Variants in SECISBP2L observed in about 807,000 individuals in gnomAD.
SECISBP2L encodes the protein SECIS binding protein 2 like.
In SECISBP2L, 43 loss-of-function variants were observed where a neutral mutation model predicts 114.7. The ratio of observed to expected loss-of-function variants is 0.38; its 90% CI spans 0.29 to 0.48. The LOEUF is 0.48. Ranked by LOEUF, SECISBP2L falls within the 20% of genes least tolerant of loss-of-function variation. The probability of loss-of-function intolerance (pLI) is 0.98; values close to 1 mark genes in which losing one functional copy is unlikely to be tolerated. For synonymous variants in SECISBP2L, 451 were observed against 439.7 expected (o/e 1.03, Z -0.32); for missense variants, 1,136 against 1,301.1 (o/e 0.87, Z 1.95).
chr15:49,039,722 G>C (rs1903085397), intron 1 of SECISBP2L, among the ~76,000 whole-genome samples: 1 of 150,520 alleles, frequency 6.6e-6, no homozygotes, highest in Non-Finnish European at 1.5e-5. Context: ...TAGAGATGGG[G>C]TTTTGCCACG....
rs1031224167 is a variant in SECISBP2L at position 49,012,588 on chromosome 15, A to T, written c.1731+60T>A. 2.4e-5 allele frequency: 37 copies of T among 1,565,240 alleles called. 1 individual carries two copies. In the Middle Eastern group the frequency reaches 1.8e-3, roughly 77 times the overall value. On this transcript the variant is annotated intron_variant, in intron 12 of 17. Coordinates refer to ENST00000559471, the MANE Select transcript of SECISBP2L (RefSeq NM_001193489.2). ...TAAGACACCACAACCTACTTTTACAAAACAGATTAAAATCCTTATTCATCC... is the reference window on the plus strand; with the variant it reads ...TAAGACACCACAACCTACTTTTACATAACAGATTAAAATCCTTATTCATCC...
At chr15:49,002,756 T>C (rs1256961729) in intron 14 of SECISBP2L, among the ~76,000 whole-genome samples, 2 of 152,218 alleles carry the variant, frequency 1.3e-5, no homozygotes, top group African/African-American at 4.8e-5. Flanking sequence ...AAAGATCAGA[T>C]GGTTGTAGAT....
At chr15:49,006,180 AT>A (rs1348972874) in intron 14 of SECISBP2L, among the ~76,000 whole-genome samples, 5 of 151,926 alleles carry the variant, frequency 3.3e-5, no homozygotes, top group African/African-American at 1.2e-4. Flanking sequence ...TGCCTTTAAC[AT>A]TTTTTCCTTC....
intron 4 of SECISBP2L, among the ~76,000 whole-genome samples, chr15:49,030,153 G>T (rs904877751): frequency 7.9e-5 from 12 of 151,686 alleles, no homozygotes; most frequent in Non-Finnish European, 1.8e-4. Flanking sequence ...ATACAATTTT[G>T]AGTTGTGCTC....
chr15:49,022,883 A>G (rs1406517111), intron 7 of SECISBP2L, among the ~76,000 whole-genome samples: 1 of 152,226 alleles, frequency 6.6e-6, no homozygotes, highest in Non-Finnish European at 1.5e-5. Context: ...TCATATACCA[A>G]GAAAAACTCC....
chr15:49,010,837 T>A (rs1017330978), intron 13 of SECISBP2L, among the ~76,000 whole-genome samples: 1 of 152,190 alleles, frequency 6.6e-6, no homozygotes, highest in Admixed American at 6.5e-5. Flanking sequence ...ACCTTCCTAC[T>A]GGGCTGTAAG....
At chr15:49,019,353 A>T in intron 8 of SECISBP2L, 65 bp downstream of exon 8, 1 of 1,251,860 alleles carries the variant, frequency 8.0e-7, no homozygotes, top group South Asian at 2.6e-5. Context: ...TCACAATGTA[A>T]CAAATTAATT....
At chr15:49,030,273 T>G (rs1292220923) in intron 4 of SECISBP2L, among the ~76,000 whole-genome samples, 1 of 152,196 alleles carries the variant, frequency 6.6e-6, no homozygotes, top group African/African-American at 2.4e-5. Context: ...GCAGGACTTG[T>G]TACCTGCTAC....
chr15:49,014,898 A>C (rs1902507427), intron 11 of SECISBP2L, among the ~76,000 whole-genome samples: 1 of 150,314 alleles, frequency 6.7e-6, no homozygotes, highest in Non-Finnish European at 1.5e-5. Flanking sequence ...CATTATATAT[A>C]CTGTATATAT....
intron 8 of SECISBP2L, among the ~76,000 whole-genome samples, chr15:49,018,574 T>C (rs1431566102): frequency 6.6e-6 from 1 of 152,170 alleles, no homozygotes; most frequent in East Asian, 1.9e-4. Flanking sequence ...CAGCATATTA[T>C]TGATTTCTAT....
chr15:49,033,500 A>G (rs1162006496), intron 3 of SECISBP2L, among the ~76,000 whole-genome samples: 3 of 152,182 alleles, frequency 2.0e-5, no homozygotes, highest in Admixed American at 6.5e-5. Context: ...AAGCAATGAC[A>G]TGAAAAATGG....
In SECISBP2L at chr15:49,011,936, A is replaced by G. The variant is rs1047467202; in HGVS notation, c.1732-73T>C. 4 of 1,522,716 alleles carry G rather than the reference A, an allele frequency of 2.6e-6. No homozygotes were observed. The African/African-American group carries it at 4.1e-5, about 16-fold the overall frequency. The allele number at this position is 1,522,716 out of a possible 1,614,324, so 94.3% of individuals were successfully genotyped here. A position where few individuals can be genotyped will look rare whatever the true frequency, so the allele number is the denominator to read the frequency against. ...TGTACAAATGATGACAATATACATT[A>G]TAACACAGGTATGGTAGTTCACTTA... On this transcript the variant is annotated intron_variant, in intron 12 of 17. Transcript: ENST00000559471.
Position 48,999,891 on chromosome 15 carries a change from C to A in SECISBP2L, c.2345G>T (p.Cys782Phe). The A allele has an allele frequency of 6.2e-7, 1 of 1,614,078 alleles. No individual in the cohort carries two copies. The highest frequency in any genetic ancestry group is 8.5e-7 in the Non-Finnish European group (1 of 1,179,978). The stretch of plus-strand genomic sequence containing the variant: ...GCTAACAGGAACCAGCTTGTTCACA[C>A]AGCGTCCTAGAGCTTTCCTTCCAAG... ...FALGRKALGRCVNKLVPVSVV... is the reference protein window; with the variant it reads ...FALGRKALGRFVNKLVPVSVV... Residue 782 changes from cysteine (C) to phenylalanine (F), a missense_variant, in exon 16 of 18, where the codon TGT (cysteine) becomes TTT (phenylalanine). Cys to Phe is a radical substitution (Grantham distance 205, BLOSUM62 -2). This residue lies in a region of SECISBP2L where 684 missense variants were observed against 848.7 expected (regional missense o/e 0.81). Coordinates refer to ENST00000559471, the MANE Select transcript of SECISBP2L (RefSeq NM_001193489.2).
chr15:49,029,005 C>T (rs993429617), intron 4 of SECISBP2L, among the ~76,000 whole-genome samples: 3 of 151,978 alleles, frequency 2.0e-5, no homozygotes, highest in Admixed American at 1.3e-4. Context: ...ACTACAGGCA[C>T]GCACCACCAC....
chr15:49,025,421 G>A (rs536032495), intron 7 of SECISBP2L, among the ~76,000 whole-genome samples: 1 of 152,086 alleles, frequency 6.6e-6, no homozygotes, highest in Non-Finnish European at 1.5e-5. Context: ...ATTCACTTGT[G>A]TTTCACATAC....
At position 49,032,981 on chromosome 15, in the gene SECISBP2L, A is replaced by G. The variant is rs772995181; in HGVS notation, c.648T>C (p.Asp216=). ...TTGCCTTACCAGTTTGCTGTGAAGCATCTACCAGAAGCACAATTTTTGATC... is the reference window on the plus strand; with the variant it reads ...TTGCCTTACCAGTTTGCTGTGAAGCGTCTACCAGAAGCACAATTTTTGATC... The part of the protein sequence containing the change: ...DSRSKIVLLV[D]ASQQTDFPSD... Residue 216 remains aspartate, a synonymous_variant, in exon 4 of 18, where the codon GAT becomes GAC. Coordinates refer to ENST00000559471, the MANE Select transcript of SECISBP2L (RefSeq NM_001193489.2). 5 of 1,613,894 alleles carry G rather than the reference A, an allele frequency of 3.1e-6. No individual in the cohort carries two copies. Among genetic ancestry groups the G allele is most frequent in the Non-Finnish European group, 4.2e-6 (5 of 1,179,962 alleles).
intron 1 of SECISBP2L, among the ~76,000 whole-genome samples, chr15:49,040,168 G>A (rs1903094169): frequency 6.6e-6 from 1 of 152,098 alleles, no homozygotes; most frequent in Non-Finnish European, 1.5e-5. Context: ...AAGGTATTAT[G>A]TATAATTCAA....
rs143422381 is a variant in SECISBP2L at position 48,998,532 on chromosome 15, G to A, written c.2403+1301C>T. ...AAATGGATATGTGAGTTTAACATTG[G>A]TTTTACAATATAAAAGAAAGAAAGA... On this transcript the variant is annotated intron_variant, in intron 16 of 17. Coordinates refer to ENST00000559471, the MANE Select transcript of SECISBP2L (RefSeq NM_001193489.2). Among the ~76,000 whole-genome samples, 851 of 152,218 alleles carry A rather than the reference G, an allele frequency of 5.6e-3. 1 individual carries two copies. The highest frequency in any genetic ancestry group is 0.024 in the Middle Eastern group (7 of 294).
intron 1 of SECISBP2L, among the ~76,000 whole-genome samples, chr15:49,044,941 G>A (rs928189099): frequency 2.1e-4 from 32 of 152,274 alleles, no homozygotes; most frequent in South Asian, 1.7e-3. Flanking sequence ...ACAAGGAAAT[G>A]ATTCAAGGAA....
Sources: gnomAD v4.1 joint callset for allele counts (sites outside exome capture counted in the v4.1 genomes callset) on GRCh38, gnomAD v4.1.1 for gene constraint, gnomAD v4.1.1 regional missense constraint, MANE v1.5 for transcripts, NCBI Gene and HGNC (gene_info 2026-07-23, HGNC 2026-07-21) for gene names.